ETV6: variants seen among roughly 807,000 people sequenced by gnomAD.
The protein encoded by ETV6 is transcription factor ETV6.
In ETV6, 16 loss-of-function variants were observed where a neutral mutation model predicts 51.1. The ratio of observed to expected loss-of-function variants is 0.31; its 90% CI spans 0.21 to 0.48. The LOEUF (loss-of-function observed/expected upper bound fraction) is 0.48, where lower values mean the gene tolerates loss of function less well. Ranked by LOEUF, ETV6 falls within the 20% of genes least tolerant of loss-of-function variation. The probability of loss-of-function intolerance (pLI) is 0.99; values close to 1 mark genes in which losing one functional copy is unlikely to be tolerated. For missense variants in ETV6, 458 were observed against 594.8 expected (o/e 0.77, Z 2.39); for synonymous variants, 240 against 224.1 (o/e 1.07, Z -0.64).
intron 1 of ETV6, among the ~76,000 whole-genome samples, chr12:11,651,187 T>A (rs1863899458): frequency 6.6e-6 from 1 of 152,242 alleles, no homozygotes; most frequent in African/African-American, 2.4e-5. Context: ...CTTCCGCTCT[T>A]GTGAGAGGCT....
chr12:11,816,507 A>G (rs1347114737), intron 2 of ETV6, among the ~76,000 whole-genome samples: 1 of 152,128 alleles, frequency 6.6e-6, no homozygotes, highest in Non-Finnish European at 1.5e-5. Context: ...CGGCCTCCCA[A>G]AGTGCTGGGA....
chr12:11,786,553 GTC>G (rs967983737), intron 2 of ETV6, among the ~76,000 whole-genome samples: 8 of 152,168 alleles, frequency 5.3e-5, no homozygotes, highest in Admixed American at 4.6e-4. Context: ...CTAGAGGAGA[GTC>G]TTTTATTTTT....
intron 2 of ETV6, among the ~76,000 whole-genome samples, chr12:11,836,639 T>C (rs1480294660): frequency 6.6e-6 from 1 of 152,106 alleles, no homozygotes; most frequent in East Asian, 1.9e-4. Flanking sequence ...TACTCATGAG[T>C]ATTTTCTTCC....
chr12:11,780,376 T>G (rs973689816), intron 2 of ETV6, among the ~76,000 whole-genome samples: 2 of 152,200 alleles, frequency 1.3e-5, no homozygotes, highest in African/African-American at 2.4e-5. Flanking sequence ...TCACCTAAAT[T>G]CATTCTGTGG....
At chr12:11,653,845 G>A (rs538224312) in intron 1 of ETV6, among the ~76,000 whole-genome samples, 2 of 151,908 alleles carry the variant, frequency 1.3e-5, no homozygotes, top group South Asian at 2.1e-4. Context: ...ACAGAGTCTC[G>A]CTCTGTCGCC....
intron 5 of ETV6, among the ~76,000 whole-genome samples, chr12:11,884,198 T>C (rs151027505): frequency 6.6e-6 from 1 of 152,312 alleles, no homozygotes; most frequent in Non-Finnish European, 1.5e-5. Flanking sequence ...CACTGTATCA[T>C]CATCTGTGGA....
intron 2 of ETV6, among the ~76,000 whole-genome samples, chr12:11,813,464 A>C (rs1945944524): frequency 1.3e-5 from 2 of 152,330 alleles, no homozygotes; most frequent in South Asian, 2.1e-4. Flanking sequence ...GAGGAAGTAA[A>C]CTGACTTCTT....
At chr12:11,735,086 C>CGTTTT (rs758819614) in intron 1 of ETV6, among the ~76,000 whole-genome samples, 2 of 76,230 alleles carry the variant, frequency 2.6e-5, no homozygotes, top group African/African-American at 1.1e-4. Context: ...GCAAGGTGGC[C>CGTTTT]TTTTTTTTTT....
At chr12:11,827,675 G>A (rs1946178407) in intron 2 of ETV6, among the ~76,000 whole-genome samples, 1 of 152,116 alleles carries the variant, frequency 6.6e-6, no homozygotes, top group African/African-American at 2.4e-5. Context: ...AGAGGGCTGG[G>A]AACAGGCACA....
intron 2 of ETV6, among the ~76,000 whole-genome samples, chr12:11,795,808 C>T (rs912753801): frequency 1.3e-5 from 2 of 152,184 alleles, no homozygotes; most frequent in Admixed American, 6.5e-5. Context: ...CTCCAAAGAC[C>T]TAGATAAAAT....
intron 3 of ETV6, among the ~76,000 whole-genome samples, chr12:11,852,278 T>C (rs2710268): frequency 0.97 from 148,446 of 152,324 alleles, 72,437 homozygotes; most frequent in East Asian, 1. Flanking sequence ...GAAAGGCACC[T>C]GCTCAACCCA....
At chr12:11,773,445 C>G (rs1205326819) in intron 2 of ETV6, among the ~76,000 whole-genome samples, 1 of 152,068 alleles carries the variant, frequency 6.6e-6, no homozygotes, top group East Asian at 1.9e-4. Context: ...AATTTGAGAA[C>G]ATGGTTTCCT....
At chr12:11,871,831 G>T (rs1946885478) in intron 5 of ETV6, among the ~76,000 whole-genome samples, 1 of 152,042 alleles carries the variant, frequency 6.6e-6, no homozygotes, top group South Asian at 2.1e-4. Context: ...GCTTTTACCT[G>T]TACATTAGAT....
intron 1 of ETV6, among the ~76,000 whole-genome samples, chr12:11,730,929 A>G (rs1865583766): frequency 1.3e-5 from 2 of 152,114 alleles, no homozygotes; most frequent in Admixed American, 6.5e-5. Flanking sequence ...CTGTGAGTAG[A>G]GGCCCAGTGA....
intron 4 of ETV6, among the ~76,000 whole-genome samples, chr12:11,867,463 G>A (rs562308672): frequency 2.4e-4 from 36 of 152,110 alleles, no homozygotes; most frequent in African/African-American, 8.4e-4. Context: ...TATGGCAGTG[G>A]GTTATACAGT....
chr12:11,821,267 G>C (rs186380254), intron 2 of ETV6, among the ~76,000 whole-genome samples: 1 of 152,326 alleles, frequency 6.6e-6, no homozygotes, highest in Admixed American at 6.5e-5. Context: ...TCGGGAGGCT[G>C]AGGTGGGAAA....
intron 2 of ETV6, chr12:11,752,981 CACTT>C (rs2121070837): frequency 6.4e-6 from 1 of 155,908 alleles, no homozygotes; most frequent in Non-Finnish European, 1.4e-5. Flanking sequence ...GAGTCAGACT[CACTT>C]CTGCTTTGTT....
chr12:11,722,768 G>T (rs553761135), intron 1 of ETV6, among the ~76,000 whole-genome samples: 2 of 152,174 alleles, frequency 1.3e-5, no homozygotes, highest in Non-Finnish European at 2.9e-5. Flanking sequence ...GGCCAGATCC[G>T]GGGAGGAAGT....
chr12:11,751,440 A>C (rs748442265), intron 1 of ETV6: 1 of 518,722 alleles, frequency 1.9e-6, no homozygotes, highest in South Asian at 1.4e-5. Context: ...AACCACAGAC[A>C]CTCCTGAAGT....
Sources: gnomAD v4.1 joint callset for allele counts (sites outside exome capture counted in the v4.1 genomes callset) on GRCh38, gnomAD v4.1.1 for gene constraint, MANE v1.5 for transcripts, NCBI Gene and HGNC (gene_info 2026-07-23, HGNC 2026-07-21) for gene names.